FZD6: variants seen among roughly 807,000 people sequenced by gnomAD.
FZD6 encodes the protein frizzled-6.
A neutral mutation model predicts 61.4 loss-of-function variants in FZD6; 49 were observed. The ratio of observed to expected loss-of-function variants is 0.80; its 90% confidence interval spans 0.63 to 1.01. The LOEUF (loss-of-function observed/expected upper bound fraction) is 1.01. Ranked by LOEUF, FZD6 falls within the 50% of genes least tolerant of loss-of-function variation. FZD6 has a pLI of 0.00. For missense variants in FZD6, 724 were observed against 848.2 expected (o/e 0.85, Z 1.82); for synonymous variants, 265 against 292.2 (o/e 0.91, Z 0.95).
chr8:103,305,878 T>G (rs1424948865), intron 2 of FZD6, among the ~76,000 whole-genome samples: 1 of 152,236 alleles, frequency 6.6e-6, no homozygotes, highest in Non-Finnish European at 1.5e-5. Context: ...AGTCCATTCC[T>G]TAGTATTCCA....
intron 2 of FZD6, among the ~76,000 whole-genome samples, chr8:103,313,777 TG>T (rs1814560196): frequency 6.8e-6 from 1 of 147,134 alleles, no homozygotes; most frequent in Admixed American, 6.7e-5. Context: ...TGTGTGTGTG[TG>T]TGTGTGTGTG....
chr8:103,326,328 G>T (rs960890536), intron 4 of FZD6, among the ~76,000 whole-genome samples: 8 of 152,030 alleles, frequency 5.3e-5, no homozygotes, highest in Admixed American at 5.2e-4. Flanking sequence ...GGGGATACTA[G>T]TTTTACTTGC....
Position 103,329,935 on chromosome 8 carries a change from C to T in FZD6, c.1822C>T (p.Pro608Ser). Reference protein sequence around the residue: ...REVKADGASTPRLREQDCGEP... With the variant: ...REVKADGASTSRLREQDCGEP... ...GGTGAAAGCGGACGGAGCTAGCACC[C>T]CCAGGTTAAGAGAACAGGACTGTGG... The change falls in exon 6 of 7, where the codon CCC (proline) becomes TCC (serine). Residue 608 changes from proline to serine, a missense_variant. Coordinates refer to ENST00000358755, the MANE Select transcript of FZD6 (RefSeq NM_003506.4). 6.2e-7 allele frequency: 1 copy of T among 1,614,070 alleles called. No individual in the cohort carries two copies. Among genetic ancestry groups the T allele is most frequent in the South Asian group, 1.1e-5 (1 of 91,078 alleles).
chr8:103,312,675 T>C (rs1814529981), intron 2 of FZD6, among the ~76,000 whole-genome samples: 1 of 152,202 alleles, frequency 6.6e-6, no homozygotes, highest in South Asian at 2.1e-4. Flanking sequence ...TTCAAAAGAC[T>C]GTGAAAATAT....
intron 2 of FZD6, among the ~76,000 whole-genome samples, chr8:103,301,334 G>T (rs1814164815): frequency 6.6e-6 from 1 of 152,074 alleles, no homozygotes; most frequent in Non-Finnish European, 1.5e-5. Flanking sequence ...ACTGATGCTA[G>T]ATGTCCTTTT....
intron 4 of FZD6, among the ~76,000 whole-genome samples, chr8:103,327,715 C>T (rs538141134): frequency 1.1e-4 from 16 of 152,172 alleles, no homozygotes; most frequent in African/African-American, 2.9e-4. Flanking sequence ...TATGTAATAT[C>T]GTGACCCTTG....
chr8:103,307,568 AC>A, intron 2 of FZD6, among the ~76,000 whole-genome samples: 1 of 152,282 alleles, frequency 6.6e-6, no homozygotes, highest in South Asian at 2.1e-4. Context: ...TTCTTAGATT[AC>A]TTTTTTGCCC....
intron 5 of FZD6, among the ~76,000 whole-genome samples, chr8:103,329,013 T>TTTTTTATATATATATATATATA (rs143400765): frequency 3.9e-4 from 45 of 115,174 alleles, no homozygotes; most frequent in Middle Eastern, 6.0e-3. Flanking sequence ...CATTTTAGTT[T>TTTTTTATATATATATATATATA]TATATATATA....
intron 2 of FZD6, among the ~76,000 whole-genome samples, chr8:103,308,961 GTC>G (rs1313090706): frequency 6.6e-6 from 1 of 151,936 alleles, no homozygotes; most frequent in African/African-American, 2.4e-5. Flanking sequence ...TCAGCTTTAT[GTC>G]TTTGATAAGT....
chr8:103,307,875 G>A (rs1254887327), intron 2 of FZD6: 2 of 456,086 alleles, frequency 4.4e-6, no homozygotes, highest in Admixed American at 2.3e-5. Flanking sequence ...TAAGATGCTG[G>A]CACAGGTATG....
In FZD6 at chr8:103,300,038, A is replaced by G; in HGVS notation, c.-70A>G. On this transcript the variant is annotated 5_prime_UTR_variant, in exon 2 of 7. The change abolishes an upstream ATG in the 5' untranslated region. Transcript: ENST00000358755. ...AGGAATTTGAACATTTTATCTTTGG[A>G]TGGGGATCTTCTGAGGATGCAAAGA... The G allele has an allele frequency of 1.1e-6, 1 of 920,088 alleles. No individual in the cohort carries two copies. Among genetic ancestry groups the G allele is most frequent in the East Asian group, 2.4e-5 (1 of 41,368 alleles). The allele number at this position is 920,088 out of a possible 1,614,324, so 57.0% of individuals were successfully genotyped here.
chr8:103,329,872 A>G lies in FZD6; in HGVS notation c.1759A>G (p.Thr587Ala), dbSNP rs1815070930. The change falls in exon 6 of 7, where the codon ACA becomes GCA. Residue 587 changes from threonine (T) to alanine (A), a missense_variant. Physicochemically the swap from Thr to Ala is moderately conservative, Grantham distance 58. Coordinates refer to ENST00000358755, the MANE Select transcript of FZD6 (RefSeq NM_003506.4). ...TGATTACCTAGGACAAGAAACTTTGACAGAAATCCAAACCTCACCAGAAAC... is the reference window on the plus strand; with the variant it reads ...TGATTACCTAGGACAAGAAACTTTGGCAGAAATCCAAACCTCACCAGAAAC... ...SHDYLGQETL[T>A]EIQTSPETSM... The G allele has an allele frequency of 6.2e-7, 1 of 1,614,066 alleles. No individual in the cohort carries two copies.
intron 2 of FZD6, among the ~76,000 whole-genome samples, chr8:103,308,947 C>T (rs999374570): frequency 1.3e-5 from 2 of 152,132 alleles, no homozygotes; most frequent in African/African-American, 2.4e-5. Context: ...TGTCTATGGC[C>T]TCATCAGCTT....
chr8:103,328,068 A>G (rs1309539925), intron 4 of FZD6, among the ~76,000 whole-genome samples, 200 bp from the exon 5 acceptor site: 3 of 152,144 alleles, frequency 2.0e-5, no homozygotes, highest in African/African-American at 7.2e-5. Context: ...CTTTCTAGAG[A>G]TTTGGTACAT....
chr8:103,315,510 A>G (rs1814603462), intron 2 of FZD6, among the ~76,000 whole-genome samples: 1 of 152,226 alleles, frequency 6.6e-6, no homozygotes, highest in Non-Finnish European at 1.5e-5. Flanking sequence ...CAGACAAAAA[A>G]GAAAACACAC....
chr8:103,325,619 T>A, intron 4 of FZD6, 121 bp downstream of exon 4: 1 of 832,514 alleles, frequency 1.2e-6, no homozygotes, highest in Non-Finnish European at 2.0e-6. Flanking sequence ...GAGCCATAGG[T>A]AAGGATTTCC....
intron 2 of FZD6, among the ~76,000 whole-genome samples, chr8:103,300,807 C>T (rs564333418): frequency 6.6e-6 from 1 of 152,224 alleles, no homozygotes; most frequent in African/African-American, 2.4e-5. Context: ...GTTTTCTAAG[C>T]ATAGCACTTA....
chr8:103,299,295 C>A (rs827526), intron 1 of FZD6, among the ~76,000 whole-genome samples: 45,214 of 152,112 alleles, frequency 0.3, 7,073 homozygotes, highest in Middle Eastern at 0.4. Flanking sequence ...TGTGTTGGGG[C>A]GCGGGTAATT....
intron 3 of FZD6, among the ~76,000 whole-genome samples, chr8:103,324,020 A>G (rs1814866148): frequency 6.6e-6 from 1 of 152,162 alleles, no homozygotes; most frequent in African/African-American, 2.4e-5. Flanking sequence ...CTTTAGTTAT[A>G]TGGTTGCTTT....
Sources: allele counts gnomAD v4.1 joint callset (sites outside exome capture counted in the v4.1 genomes callset), GRCh38; gene constraint gnomAD v4.1.1; transcripts MANE v1.5; gene names NCBI Gene and HGNC (gene_info 2026-07-23, HGNC 2026-07-21).